GPN2: variants seen among roughly 807,000 people sequenced by gnomAD.
GPN2 encodes the protein ATP-binding domain 1 family member B.
Under a neutral mutation model 30.1 loss-of-function variants are expected in GPN2, and 27 were observed. That is an observed-to-expected ratio of 0.90 (90% CI 0.66 to 1.24). The LOEUF is 1.24. GPN2 is among the 50% of genes most tolerant of loss of function. The probability of loss-of-function intolerance (pLI) is 0.00; values close to 1 mark genes in which losing one functional copy is unlikely to be tolerated. For synonymous variants in GPN2, 212 were observed against 174.4 expected, an observed-to-expected ratio of 1.22 and a Z score of -1.70; for missense variants, 406 against 405.4, an observed-to-expected ratio of 1.00 and a Z score of -0.01.
chr1:26,889,639 C>A, intron 1 of GPN2, 47 bp downstream of exon 1: 1 of 1,522,106 alleles, frequency 6.6e-7, no homozygotes. Flanking sequence ...TCCTCCCTGT[C>A]TCAGTTACTC....
At position 26,879,490 on chromosome 1, in the gene GPN2, G is replaced by T; in HGVS notation, c.*187C>A. Reference sequence around the variant, plus strand: ...GCTCACGGACACCACTGACAGTATGGGGGGTGTTCTGCTTGGCACCATGTC... The same window carrying T: ...GCTCACGGACACCACTGACAGTATGTGGGGTGTTCTGCTTGGCACCATGTC... On this transcript the variant is annotated 3_prime_UTR_variant, in exon 5 of 5. Transcript: ENST00000374135. 3 of 608,020 alleles carry T rather than the reference G, an allele frequency of 4.9e-6. No homozygotes were observed. Among genetic ancestry groups the T allele is most frequent in the South Asian group, 3.7e-5 (2 of 53,942 alleles). 37.7% of individuals were successfully genotyped at this position (608,020 alleles called of 1,614,324 possible).
At chr1:26,885,685 T>C (rs1288252277) in intron 3 of GPN2, among the ~76,000 whole-genome samples, 1 of 151,040 alleles carries the variant, frequency 6.6e-6, no homozygotes, top group East Asian at 2.0e-4. Context: ...GTTCACGCCA[T>C]TCTCCTGCCT....
intron 1 of GPN2, 23 bp downstream of exon 1, chr1:26,889,663 G>T (rs1288710111): frequency 6.5e-7 from 1 of 1,546,732 alleles, no homozygotes; most frequent in Admixed American, 1.9e-5. Context: ...CCGCAAAATG[G>T]GCCTCCCCGC....
rs2081850061 is a variant in GPN2, at chr1:26,878,571, ACG to A, written c.*1104_*1105del. 1.3e-5 allele frequency: 2 copies of A among 151,422 alleles called. No individual in the cohort carries two copies. The highest frequency in any genetic ancestry group is 4.9e-5 in the African/African-American group (2 of 41,150). The allele number at this position is 151,422 out of a possible 1,614,324, so 9.4% of individuals were successfully genotyped here. A position where few individuals can be genotyped will look rare whatever the true frequency, so the allele number is the denominator to read the frequency against. On this transcript the variant is annotated 3_prime_UTR_variant, in exon 5 of 5. Coordinates refer to ENST00000374135, the MANE Select transcript of GPN2 (RefSeq NM_018066.4). Reference sequence around the variant, plus strand: ...GCTGGGCTTACAGGCATGAGTGAACACGCCCAGCCTTGTATTTCATTTTTGAA... The same window carrying A: ...GCTGGGCTTACAGGCATGAGTGAACACCCAGCCTTGTATTTCATTTTTGAA...
chr1:26,890,225 G>A lies in GPN2; in HGVS notation c.-129C>T. ...TGGCGGCCAGCGTCACTCGCCTCAG[G>A]CGGAACAGCTGAGACCGTGTCGCGC... is the stretch of plus-strand genomic sequence containing the variant. On this transcript the variant is annotated 5_prime_UTR_variant, in exon 1 of 5. Coordinates refer to ENST00000374135, the MANE Select transcript of GPN2 (RefSeq NM_018066.4). 2 of 802,534 alleles carry A rather than the reference G, an allele frequency of 2.5e-6. No individual in the cohort carries two copies. The highest frequency in any genetic ancestry group is 1.8e-5 in the African/African-American group (1 of 57,040). The allele number at this position is 802,534 out of a possible 1,614,324, so 49.7% of individuals were successfully genotyped here.
chr1:26,880,390 G>A (rs907013251), intron 4 of GPN2, among the ~76,000 whole-genome samples: 3 of 152,012 alleles, frequency 2.0e-5, no homozygotes, highest in Non-Finnish European at 4.4e-5. Context: ...TCGGCTCACC[G>A]CAACCTCCAA....
chr1:26,883,013 T>C (rs1294683684), intron 4 of GPN2, among the ~76,000 whole-genome samples: 5 of 152,194 alleles, frequency 3.3e-5, no homozygotes, highest in African/African-American at 4.8e-5. Context: ...TATTTTTCCA[T>C]TCTACACCTT....
chr1:26,880,939 C>T (rs542793827), intron 4 of GPN2, among the ~76,000 whole-genome samples: 2 of 152,340 alleles, frequency 1.3e-5, no homozygotes, highest in African/African-American at 2.4e-5. Flanking sequence ...ACCCACCTAC[C>T]CTTCAGCAAA....
chr1:26,879,859 T>C, intron 4 of GPN2, 110 bp from the exon 5 acceptor site: 1 of 730,316 alleles, frequency 1.4e-6, no homozygotes, highest in Non-Finnish European at 2.5e-6. Flanking sequence ...CATCCCTCTC[T>C]TCCTCATAAT....
In GPN2 at chr1:26,890,138, C is replaced by A. The variant is rs368250321; in HGVS notation, c.-42G>T. 8 of 1,456,950 alleles carry A rather than the reference C, an allele frequency of 5.5e-6. No individual in the cohort carries two copies. In the African/African-American group the frequency reaches 1.0e-4, roughly 18 times the overall value. The allele number at this position is 1,456,950 out of a possible 1,614,324, so 90.3% of individuals were successfully genotyped here. On this transcript the variant is annotated 5_prime_UTR_variant, in exon 1 of 5. Transcript: ENST00000374135. ...GGAGCAGGTCAACTCACAGGGAAAA[C>A]GGGGCAGGTAGCCGCGCCGGAGACG...
rs1361493679 is a variant in GPN2, at chr1:26,876,690, T to C, written c.*2987A>G. Reference sequence around the variant, plus strand: ...ATCTCGGACATCTTCCTTTCTGCACTGTGCAGATCCCCTCAGTATATGCAG... The same window carrying C: ...ATCTCGGACATCTTCCTTTCTGCACCGTGCAGATCCCCTCAGTATATGCAG... On this transcript the variant is annotated 3_prime_UTR_variant, in exon 5 of 5. Transcript: ENST00000374135. 6.6e-6 allele frequency: 1 copy of C among 152,160 alleles called. No homozygotes were observed. Among genetic ancestry groups the C allele is most frequent in the African/African-American group, 2.4e-5 (1 of 41,432 alleles). 9.4% of individuals were successfully genotyped at this position (152,160 alleles called of 1,614,324 possible).
chr1:26,882,663 C>T (rs543681727), intron 4 of GPN2, among the ~76,000 whole-genome samples: 3 of 152,334 alleles, frequency 2.0e-5, no homozygotes, highest in African/African-American at 7.2e-5. Context: ...GAGCATCAGC[C>T]TAGAGGGCCT....
rs1257043941 is a variant in GPN2 at position 26,878,646 on chromosome 1, G to C, written c.*1031C>G. 1 of 151,864 alleles carries C rather than the reference G, an allele frequency of 6.6e-6. No homozygotes were observed. The highest frequency in any genetic ancestry group is 1.5e-5 in the Non-Finnish European group (1 of 67,996). 9.4% of individuals were successfully genotyped at this position (151,864 alleles called of 1,614,324 possible). A position where few individuals can be genotyped will look rare whatever the true frequency, so the allele number is the denominator to read the frequency against. On this transcript the variant is annotated 3_prime_UTR_variant, in exon 5 of 5. Coordinates refer to ENST00000374135, the MANE Select transcript of GPN2 (RefSeq NM_018066.4). ...AGTCTCGCTCTGTCACCAGGCTGGA[G>C]TGCAGTGGTGCAATCTCAGCTCACT... is the stretch of plus-strand genomic sequence containing the variant.
rs778486660 is a variant in GPN2 at position 26,885,953 on chromosome 1, C to A, written c.729+20G>T. The A allele has an allele frequency of 6.3e-6, 10 of 1,587,232 alleles. No homozygotes were observed. Among genetic ancestry groups the A allele is most frequent in the Non-Finnish European group, 8.6e-6 (10 of 1,156,332 alleles). ...GTGAATCCCATGCACTGTCAAGAGT[C>A]CCGTCTTAGCCCCTAGTACCTGGAT... On this transcript the variant is annotated intron_variant, in intron 3 of 4. Coordinates refer to ENST00000374135, the MANE Select transcript of GPN2 (RefSeq NM_018066.4).
intron 4 of GPN2, among the ~76,000 whole-genome samples, chr1:26,881,605 C>G (rs961338061): frequency 1.3e-5 from 2 of 152,240 alleles, no homozygotes; most frequent in Non-Finnish European, 2.9e-5. Flanking sequence ...CAGTGGCACA[C>G]GCCCATAGTC....
chr1:26,883,047 T>C (rs2081872358), intron 4 of GPN2, among the ~76,000 whole-genome samples: 1 of 152,232 alleles, frequency 6.6e-6, no homozygotes, highest in South Asian at 2.1e-4. Context: ...ACTACAAATC[T>C]TTCAACCCTT....
Position 26,879,706 on chromosome 1 carries a change from A to T in GPN2, c.904T>A (p.Ser302Thr), listed in dbSNP as rs377052475. 1.2e-5 allele frequency: 19 copies of T among 1,613,674 alleles called. No homozygotes were observed. Among genetic ancestry groups the T allele is most frequent in the Admixed American group, 6.7e-5 (4 of 59,950 alleles). ...QEKYLAPSNQ[S>T]VEQEAMQL ...AGCTGCATGGCTTCCTGCTCCACTG[A>T]CTGGTTCGAGGGTGCCAGGTACTTC... Residue 302 changes from serine to threonine, a missense_variant, in exon 5 of 5, where the codon TCA becomes ACA. By Grantham distance (58) the Ser-to-Thr change is moderately conservative. Transcript: ENST00000374135.
At chr1:26,881,140 C>T (rs1412864110) in intron 4 of GPN2, among the ~76,000 whole-genome samples, 2 of 152,126 alleles carry the variant, frequency 1.3e-5, no homozygotes, top group Non-Finnish European at 1.5e-5. Context: ...TTTATATATA[C>T]GAATACATAA....
At chr1:26,879,956 A>G (rs1316301908) in intron 4 of GPN2, among the ~76,000 whole-genome samples, 1 of 152,188 alleles carries the variant, frequency 6.6e-6, no homozygotes, top group African/African-American at 2.4e-5. Context: ...ACTGCTGCGG[A>G]TCAAAGGACT....
Sources: allele counts gnomAD v4.1 joint callset (sites outside exome capture counted in the v4.1 genomes callset), GRCh38; gene constraint gnomAD v4.1.1; transcripts MANE v1.5; gene names NCBI Gene and HGNC (gene_info 2026-07-23, HGNC 2026-07-21).